The following MED12L variants were observed in gnomAD, a reference collection of about 807,000 sequenced individuals.
The protein encoded by MED12L is mediator complex subunit 12L.
In MED12L, 60 loss-of-function variants were observed where a neutral mutation model predicts 281.3. The ratio of observed to expected loss-of-function variants is 0.21; its 90% CI spans 0.17 to 0.26. MED12L has a LOEUF of 0.26. Ranked by LOEUF, MED12L falls within the 10% of genes least tolerant of loss-of-function variation. MED12L has a pLI of 1.00. For synonymous variants in MED12L, 974 were observed against 987.2 expected (o/e 0.99, Z 0.25); for missense variants, 2,146 against 2,680.9 (o/e 0.80, Z 4.41).
At chr3:151,375,963 C>T (rs1351403265) in intron 27 of MED12L, 63 bp from the exon 28 acceptor site, 11 of 638,140 alleles carry the variant, frequency 1.7e-5, no homozygotes, top group Non-Finnish European at 2.5e-5. Context: ...GGATTTAGTA[C>T]ATATTGCATA....
rs762344753 is a variant in MED12L at position 151,214,045 on chromosome 3, A to T, written c.2250+20379A>T. On this transcript the variant is annotated intron_variant, in intron 16 of 44. Transcript: ENST00000687756. ...CACGGCAGAGACCCTGCACACAAAC[A>T]CGTTCAGCTGCCAGGGACCAAGGCC... 4 of 1,614,164 alleles carry T rather than the reference A, an allele frequency of 2.5e-6. No individual in the cohort carries two copies. The South Asian group carries it at 4.4e-5, about 18-fold the overall frequency.
intron 35 of MED12L, 21 bp from the exon 36 acceptor site, chr3:151,385,009 C>T (rs375254222): frequency 7.8e-6 from 10 of 1,286,446 alleles, no homozygotes; most frequent in Non-Finnish European, 1.0e-5. Flanking sequence ...CTCACTCTCT[C>T]TCTCTCTCTT....
Position 151,405,430 on chromosome 3 carries a change from C to T in MED12L, c.5821-3813C>T, listed in dbSNP as rs189817765. 1.6e-3 allele frequency among the ~76,000 whole-genome samples: 245 copies of T among 152,324 alleles called. 1 individual carries two copies. Among genetic ancestry groups the T allele is most frequent in the Middle Eastern group, 0.014 (4 of 294 alleles). On this transcript the variant is annotated intron_variant, in intron 39 of 44. Coordinates refer to ENST00000687756, the MANE Select transcript of MED12L (RefSeq NM_001393769.1). Reference sequence around the variant, plus strand: ...TATCTTATTCTCTCTTACTGATATGCTTAAAATCACATAGCACCTGCCTAG... The same window carrying T: ...TATCTTATTCTCTCTTACTGATATGTTTAAAATCACATAGCACCTGCCTAG...
At chr3:151,167,597 C>T (rs748045182) in intron 11 of MED12L, among the ~76,000 whole-genome samples, 2 of 152,192 alleles carry the variant, frequency 1.3e-5, no homozygotes, top group Non-Finnish European at 2.9e-5. Flanking sequence ...TGGTTCAAGA[C>T]TAATGGTGCC....
At chr3:151,324,642 G>A (rs1749370088) in intron 16 of MED12L, among the ~76,000 whole-genome samples, 1 of 152,104 alleles carries the variant, frequency 6.6e-6, no homozygotes, top group African/African-American at 2.4e-5. Context: ...AAGATAATAA[G>A]CATTTCATAG....
At chr3:151,218,596 C>T (rs535133942) in intron 16 of MED12L, among the ~76,000 whole-genome samples, 3 of 151,952 alleles carry the variant, frequency 2.0e-5, no homozygotes, top group Non-Finnish European at 2.9e-5. Flanking sequence ...TGGCCGGGCA[C>T]GGTGGCTCAA....
chr3:151,387,712 C>G, intron 36 of MED12L, 98 bp from the exon 37 acceptor site: 3 of 1,441,888 alleles, frequency 2.1e-6, no homozygotes, highest in Non-Finnish European at 2.8e-6. Context: ...GGGCTCATGC[C>G]AGCCAAAGTG....
intron 16 of MED12L, among the ~76,000 whole-genome samples, chr3:151,346,305 A>G (rs1014365977): frequency 3.9e-5 from 6 of 152,016 alleles, no homozygotes; most frequent in African/African-American, 1.4e-4. Flanking sequence ...GATTTCTACT[A>G]TGGAAATTTG....
chr3:151,333,165 C>T (rs1258908080), intron 16 of MED12L, among the ~76,000 whole-genome samples: 3 of 152,240 alleles, frequency 2.0e-5, no homozygotes, highest in South Asian at 2.1e-4. Context: ...ATTTAGGTTG[C>T]TTCTGTGTCT....
At chr3:151,305,184 T>C (rs1046512187) in intron 16 of MED12L, among the ~76,000 whole-genome samples, 14 of 152,226 alleles carry the variant, frequency 9.2e-5, no homozygotes, top group African/African-American at 3.1e-4. Context: ...GAAGATTGCT[T>C]CAGTGGTAGT....
intron 2 of MED12L, among the ~76,000 whole-genome samples, chr3:151,102,103 C>CT (rs976287507): frequency 3.5e-4 from 53 of 152,304 alleles, no homozygotes; most frequent in Non-Finnish European, 4.6e-4. Flanking sequence ...CCCACCCACC[C>CT]TGTGACTTCT....
intron 43 of MED12L, among the ~76,000 whole-genome samples, chr3:151,421,223 T>C (rs1458516906): frequency 2.0e-5 from 3 of 152,180 alleles, no homozygotes; most frequent in East Asian, 1.9e-4. Context: ...TGGGTGATCC[T>C]ATCCACTTGA....
intron 2 of MED12L, among the ~76,000 whole-genome samples, chr3:151,109,084 G>A (rs1035252166): frequency 6.6e-6 from 1 of 150,792 alleles, no homozygotes; most frequent in Non-Finnish European, 1.5e-5. Flanking sequence ...TTGAGATGGA[G>A]TCTCGCTCTG....
chr3:151,204,846 G>A (rs753832235), intron 16 of MED12L, among the ~76,000 whole-genome samples: 15 of 152,110 alleles, frequency 9.9e-5, no homozygotes, highest in Non-Finnish European at 1.9e-4. Context: ...TTACTTCCTC[G>A]GTTCACTTTA....
chr3:151,132,372 G>A (rs1250189870), intron 5 of MED12L, among the ~76,000 whole-genome samples: 4 of 152,094 alleles, frequency 2.6e-5, no homozygotes, highest in Non-Finnish European at 5.9e-5. Flanking sequence ...CTTTAATCTA[G>A]AACAGTTCAT....
intron 8 of MED12L, 51 bp from the exon 9 acceptor site, chr3:151,163,842 T>C (rs1182762853): frequency 6.3e-7 from 1 of 1,575,656 alleles, no homozygotes; most frequent in Admixed American, 1.7e-5. Context: ...TAGCTATTGT[T>C]ATGCTTTTCT....
At position 151,376,217 on chromosome 3, in the gene MED12L, C is replaced by T. The variant is rs779949276; in HGVS notation, c.4053+3C>T. ...AGCACATTAAGCGTATTCTTCAGGT[C>T]AGTCGTATACAGATTGTGTTTCTGT... On this transcript the variant is annotated splice_donor_region_variant and intron_variant, in intron 28 of 44. Coordinates refer to ENST00000687756, the MANE Select transcript of MED12L (RefSeq NM_001393769.1). 6.9e-7 allele frequency: 1 copy of T among 1,448,438 alleles called. No individual in the cohort carries two copies. The highest frequency in any genetic ancestry group is 1.5e-5 in the African/African-American group (1 of 68,572). 89.7% of individuals were successfully genotyped at this position (1,448,438 alleles called of 1,614,324 possible).
intron 27 of MED12L, among the ~76,000 whole-genome samples, chr3:151,373,349 TAAG>T (rs1298360271): frequency 6.6e-6 from 1 of 152,200 alleles, no homozygotes; most frequent in East Asian, 1.9e-4. Flanking sequence ...TAATTTTGAT[TAAG>T]ATGTTTCCAT....
At chr3:151,392,467 G>GAAAA (rs200781609) in intron 38 of MED12L, among the ~76,000 whole-genome samples, 10 of 95,820 alleles carry the variant, frequency 1.0e-4, no homozygotes, top group African/African-American at 2.9e-4. Flanking sequence ...TCCATCTCAA[G>GAAAA]AAAAAAAAAA....
Sources: gnomAD v4.1 joint callset for allele counts (sites outside exome capture counted in the v4.1 genomes callset) on GRCh38, gnomAD v4.1.1 for gene constraint, MANE v1.5 for transcripts, NCBI Gene and HGNC (gene_info 2026-07-23, HGNC 2026-07-21) for gene names.